PRDM16: variants seen among roughly 807,000 people sequenced by gnomAD.
PRDM16 encodes histone-lysine N-methyltransferase PRDM16.
PRDM16 carries 23 observed loss-of-function variants against 110.6 expected under a neutral mutation model. That is an observed-to-expected ratio of 0.21 (90% CI 0.15 to 0.29). The LOEUF (loss-of-function observed/expected upper bound fraction) is 0.29. Ranked by LOEUF, PRDM16 falls within the 10% of genes least tolerant of loss-of-function variation. PRDM16 has a pLI of 1.00. For synonymous variants in PRDM16, 799 were observed against 781.8 expected, an observed-to-expected ratio of 1.02 and a Z score of -0.37; for missense variants, 1,615 against 1,794.3, an observed-to-expected ratio of 0.90 and a Z score of 1.81.
intron 1 of PRDM16, among the ~76,000 whole-genome samples, chr1:3,083,355 C>T (rs543818944): frequency 3.1e-4 from 47 of 152,228 alleles, no homozygotes; most frequent in Non-Finnish European, 5.0e-4. Flanking sequence ...CAAGGCAGTG[C>T]GGCCATCTGG....
At chr1:3,200,543 C>T (rs889169976) in intron 2 of PRDM16, among the ~76,000 whole-genome samples, 6 of 152,240 alleles carry the variant, frequency 3.9e-5, no homozygotes, top group Middle Eastern at 3.4e-3. Flanking sequence ...GGGGTTTCAC[C>T]GTGTTAGCCA....
At chr1:3,330,523 C>T (rs1371321449) in intron 3 of PRDM16, among the ~76,000 whole-genome samples, 1 of 152,196 alleles carries the variant, frequency 6.6e-6, no homozygotes, top group African/African-American at 2.4e-5. Context: ...CCTAGGCATC[C>T]CCACCACATC....
chr1:3,073,356 G>A (rs775074002), intron 1 of PRDM16, among the ~76,000 whole-genome samples: 11 of 152,264 alleles, frequency 7.2e-5, no homozygotes, highest in Non-Finnish European at 1.2e-4. Flanking sequence ...TTAAGGTGAT[G>A]TATAATTAGA....
Position 3,234,508 on chromosome 1 carries a change from C to T in PRDM16, c.388-9579C>T, listed in dbSNP as rs555550808. Among the ~76,000 whole-genome samples, 237 of 152,314 alleles carry T rather than the reference C, an allele frequency of 1.6e-3. 1 individual carries two copies. The highest frequency in any genetic ancestry group is 5.5e-3 in the African/African-American group (229 of 41,572). Reference sequence around the variant, plus strand: ...GGTATCTGATTTCTAGCCGCCTGCCCGAGACGCCTGGTCCAGCAAGAGGCC... The same window carrying T: ...GGTATCTGATTTCTAGCCGCCTGCCTGAGACGCCTGGTCCAGCAAGAGGCC... On this transcript the variant is annotated intron_variant, in intron 2 of 16. Coordinates refer to ENST00000270722, the MANE Select transcript of PRDM16 (RefSeq NM_022114.4).
intron 1 of PRDM16, among the ~76,000 whole-genome samples, chr1:3,072,743 C>T (rs1168021798): frequency 6.6e-6 from 1 of 152,194 alleles, no homozygotes; most frequent in Non-Finnish European, 1.5e-5. Context: ...AGGGCAGCAG[C>T]GCCAGGACGT....
At chr1:3,389,515 G>A (rs1215877218) in intron 4 of PRDM16, among the ~76,000 whole-genome samples, 2 of 152,218 alleles carry the variant, frequency 1.3e-5, no homozygotes, top group Non-Finnish European at 2.9e-5. Context: ...GACCTCTTGA[G>A]AGGTGACCGG....
In PRDM16 at chr1:3,148,789, C is replaced by T. The variant is rs1286034770; in HGVS notation, c.38-37336C>T. Among the ~76,000 whole-genome samples the T allele has an allele frequency of 6.6e-6, 1 of 152,218 alleles. No homozygotes were observed. The highest frequency in any genetic ancestry group is 2.4e-5 in the African/African-American group (1 of 41,462). ...CTCTCTAAAATCCCCAAATCCATCC[C>T]CACTTTACTTAGCACATGTTGAAAG... On this transcript the variant is annotated intron_variant, in intron 1 of 16. Transcript: ENST00000270722. This position sits in a 1 kb window ranked among gnomAD's most constrained non-coding sequence, Gnocchi z 5.0.
intron 5 of PRDM16, among the ~76,000 whole-genome samples, chr1:3,397,609 C>T (rs750415212): frequency 7.9e-4 from 120 of 152,356 alleles, no homozygotes; most frequent in Non-Finnish European, 1.4e-3. Flanking sequence ...TGGGAGGCCC[C>T]GCAAGTGAAC....
chr1:3,402,499 T>C (rs1285921366), intron 5 of PRDM16, among the ~76,000 whole-genome samples: 1 of 152,184 alleles, frequency 6.6e-6, no homozygotes, highest in Admixed American at 6.5e-5. Context: ...CAGCCCACAG[T>C]GGCTGCCTGA....
chr1:3,133,795 G>A (rs1557472493), intron 1 of PRDM16: 1 of 152,180 alleles, frequency 6.6e-6, no homozygotes, highest in Non-Finnish European at 1.5e-5. Flanking sequence ...GGGAGCCAAG[G>A]GTATGCAGGC....
intron 12 of PRDM16, among the ~76,000 whole-genome samples, chr1:3,421,486 A>G (rs917970008): frequency 6.6e-6 from 1 of 152,118 alleles, no homozygotes; most frequent in African/African-American, 2.4e-5. Flanking sequence ...CTTATTTACA[A>G]CGCAGACCCC....
At chr1:3,121,144 T>G (rs919320292) in intron 1 of PRDM16, among the ~76,000 whole-genome samples, 3 of 152,184 alleles carry the variant, frequency 2.0e-5, no homozygotes, top group African/African-American at 7.2e-5. Context: ...GAGGACAGCT[T>G]GCCCGTCACG....
rs183381608 is a variant in PRDM16, at chr1:3,339,350, C to T, written c.439-45802C>T. On this transcript the variant is annotated intron_variant, in intron 3 of 16. Transcript: ENST00000270722. The surrounding 1 kb of genome is among the most constrained non-coding windows in gnomAD (Gnocchi z 5.0). ...GGCACAGGGTGGGCCTCCGCGCATC[C>T]GTGCCCGGAAGCAGGAACAGAGGGA... is the stretch of plus-strand genomic sequence containing the variant. 2.6e-4 allele frequency among the ~76,000 whole-genome samples: 40 copies of T among 152,216 alleles called. 1 individual carries two copies. The highest frequency in any genetic ancestry group is 7.8e-4 in the Admixed American group (12 of 15,302).
chr1:3,349,425 G>A (rs1642433325), intron 3 of PRDM16, among the ~76,000 whole-genome samples: 1 of 152,194 alleles, frequency 6.6e-6, no homozygotes, highest in Admixed American at 6.5e-5. Context: ...CCCAGCAAGT[G>A]GCCATGGCGG....
intron 3 of PRDM16, among the ~76,000 whole-genome samples, chr1:3,286,132 A>G (rs1640838400): frequency 6.6e-6 from 1 of 152,108 alleles, no homozygotes; most frequent in African/African-American, 2.4e-5. Context: ...CTCCTCCTCC[A>G]GCTCCCTCTC....
intron 1 of PRDM16, among the ~76,000 whole-genome samples, chr1:3,161,757 G>C (rs566266340): frequency 6.6e-6 from 1 of 152,296 alleles, no homozygotes; most frequent in African/African-American, 2.4e-5. Flanking sequence ...GGATTTTTGC[G>C]GCACCTGAAC....
intron 1 of PRDM16, among the ~76,000 whole-genome samples, chr1:3,082,828 C>T (rs908374440): frequency 1.3e-5 from 2 of 152,210 alleles, no homozygotes; most frequent in South Asian, 2.1e-4. Flanking sequence ...GATTGGAAAG[C>T]GATGGGGCCG....
Position 3,148,639 on chromosome 1 carries a change from C to T in PRDM16, c.38-37486C>T, listed in dbSNP as rs907110390. Among the ~76,000 whole-genome samples, 4 of 152,156 alleles carry T rather than the reference C, an allele frequency of 2.6e-5. No homozygotes were observed. Among genetic ancestry groups the T allele is most frequent in the African/African-American group, 7.2e-5 (3 of 41,436 alleles). On this transcript the variant is annotated intron_variant, in intron 1 of 16. Coordinates refer to ENST00000270722, the MANE Select transcript of PRDM16 (RefSeq NM_022114.4). The surrounding 1 kb of genome is among the most constrained non-coding windows in gnomAD (Gnocchi z 5.0). ...GGGCTCAGATCCCATCTCAGGTGGG[C>T]GGTGACTTGTCCTGGCCGAGCCAGC...
chr1:3,372,352 T>G (rs983933953), intron 3 of PRDM16, among the ~76,000 whole-genome samples: 2 of 152,236 alleles, frequency 1.3e-5, no homozygotes, highest in African/African-American at 2.4e-5. Flanking sequence ...CTGCATCAGC[T>G]CAGCCCATCA....
Sources: allele counts gnomAD v4.1 joint callset (sites outside exome capture counted in the v4.1 genomes callset), GRCh38; gene constraint gnomAD v4.1.1; non-coding constraint Gnocchi (gnomAD v3.1); transcripts MANE v1.5; gene names NCBI Gene and HGNC (gene_info 2026-07-23, HGNC 2026-07-21).